The following FRS2 variants were observed in gnomAD, a reference collection of about 807,000 sequenced individuals.
The protein encoded by FRS2 is FGFR signalling adaptor.
Under a neutral mutation model 43.9 loss-of-function variants are expected in FRS2, and 8 were observed. The observed-to-expected ratio is 0.18, with a 90% CI of 0.11 to 0.33. The LOEUF (loss-of-function observed/expected upper bound fraction) is 0.33. Among genes scored for constraint, FRS2 ranks in the 10% least tolerant of loss-of-function variants. The pLI, the probability that FRS2 is intolerant of heterozygous loss-of-function variation, is 1.00. For missense variants in FRS2, 534 were observed against 627.6 expected, an observed-to-expected ratio of 0.85 and a Z score of 1.59; for synonymous variants, 219 against 220.3, an observed-to-expected ratio of 0.99 and a Z score of 0.05.
rs1247208002 is a variant in FRS2, at chr12:69,577,220, A to G, written c.*2265A>G. 6.6e-6 allele frequency: 1 copy of G among 152,196 alleles called. No individual in the cohort carries two copies. Among genetic ancestry groups the G allele is most frequent in the Non-Finnish European group, 1.5e-5 (1 of 68,012 alleles). 9.4% of individuals were successfully genotyped at this position (152,196 alleles called of 1,614,324 possible). On this transcript the variant is annotated 3_prime_UTR_variant, in exon 9 of 9. Transcript: ENST00000549921. ...TGCTTTAAATACTATGTGCTTTAAA[A>G]AGGAAAATGGGACCAATTTGTCTGC... is the stretch of plus-strand genomic sequence containing the variant.
At chr12:69,502,466 T>G (rs1430347641) in intron 1 of FRS2, among the ~76,000 whole-genome samples, 1 of 152,092 alleles carries the variant, frequency 6.6e-6, no homozygotes, top group East Asian at 1.9e-4. Flanking sequence ...ACTCCGAGGC[T>G]CGAGCGGTCT....
chr12:69,533,609 A>T (rs903584423), intron 3 of FRS2, among the ~76,000 whole-genome samples: 4 of 152,168 alleles, frequency 2.6e-5, no homozygotes, highest in Non-Finnish European at 4.4e-5. Flanking sequence ...TTGGCCTCCC[A>T]AAGTGTTGGG....
At chr12:69,554,503 A>G (rs1433494985) in intron 3 of FRS2, among the ~76,000 whole-genome samples, 2 of 152,236 alleles carry the variant, frequency 1.3e-5, no homozygotes, top group South Asian at 2.1e-4. Flanking sequence ...AGTTGCAAAG[A>G]TAGTACAGAG....
At chr12:69,471,032 T>C (rs1415469246) in intron 1 of FRS2, among the ~76,000 whole-genome samples, 4 of 152,134 alleles carry the variant, frequency 2.6e-5, no homozygotes, top group Non-Finnish European at 5.9e-5. Context: ...GCCAGGGATC[T>C]TTTGCAGGGC....
intron 1 of FRS2, among the ~76,000 whole-genome samples, chr12:69,496,391 C>T (rs900556760): frequency 6.6e-6 from 1 of 151,736 alleles, no homozygotes; most frequent in Non-Finnish European, 1.5e-5. Flanking sequence ...GAGCCGAGAT[C>T]GCGCCACTGC....
chr12:69,547,786 A>G (rs2920836), intron 3 of FRS2, among the ~76,000 whole-genome samples: 91,304 of 148,310 alleles, frequency 0.62, 28,732 homozygotes, highest in East Asian at 0.73. Context: ...TGTTTTTTCA[A>G]AGTCATGAAT....
At position 69,577,455 on chromosome 12, in the gene FRS2, T is replaced by C. The variant is rs1366436975; in HGVS notation, c.*2500T>C. On this transcript the variant is annotated 3_prime_UTR_variant, in exon 9 of 9. Transcript: ENST00000549921. ...ACTAGGTGCATTTTAGAATGAAATA[T>C]TGATATTTTATTAGCATATAATTGT... is the stretch of plus-strand genomic sequence containing the variant. The C allele has an allele frequency of 6.6e-6, 1 of 152,298 alleles. No individual in the cohort carries two copies. The highest frequency in any genetic ancestry group is 1.5e-5 in the Non-Finnish European group (1 of 67,996). 9.4% of individuals were successfully genotyped at this position (152,298 alleles called of 1,614,324 possible).
At chr12:69,515,354 C>G (rs1874887340) in intron 1 of FRS2, among the ~76,000 whole-genome samples, 1 of 152,202 alleles carries the variant, frequency 6.6e-6, no homozygotes, top group South Asian at 2.1e-4. Context: ...CTATTTTCAG[C>G]TGATGATTAA....
chr12:69,571,423 G>T lies in FRS2; in HGVS notation c.401G>T (p.Arg134Leu). ...GAATTGGAAGTCCCTAGAACACCTCGAACACCTACAAGTAAGTACCCCTTT... is the reference window on the plus strand; with the variant it reads ...GAATTGGAAGTCCCTAGAACACCTCTAACACCTACAAGTAAGTACCCCTTT... ...QTELEVPRTP[R>L]TPTTPGFAAQ... The change falls in exon 7 of 9, where the codon CGA (arginine) becomes CTA (leucine). Residue 134 changes from arginine (R) to leucine (L), a missense_variant. Transcript: ENST00000549921. The T allele has an allele frequency of 6.2e-7, 1 of 1,611,814 alleles. No individual in the cohort carries two copies. Among genetic ancestry groups the T allele is most frequent in the South Asian group, 1.1e-5 (1 of 90,810 alleles).
chr12:69,485,172 C>CTTATTTAT (rs112733263), intron 1 of FRS2, among the ~76,000 whole-genome samples: 4 of 146,030 alleles, frequency 2.7e-5, no homozygotes, highest in South Asian at 4.5e-4. Flanking sequence ...CAGAAGTTTA[C>CTTATTTAT]TTATTTATTT....
intron 1 of FRS2, among the ~76,000 whole-genome samples, chr12:69,506,750 T>C (rs1873969303): frequency 6.6e-6 from 1 of 152,236 alleles, no homozygotes; most frequent in Non-Finnish European, 1.5e-5. Flanking sequence ...TGTCTTAATA[T>C]TGGCAGCCTT....
intron 1 of FRS2, among the ~76,000 whole-genome samples, chr12:69,481,992 A>G (rs1871384573): frequency 6.8e-6 from 1 of 147,786 alleles, no homozygotes; most frequent in Admixed American, 6.7e-5. Context: ...TTAGTGTTTT[A>G]TGGTTTTTTT....
At chr12:69,520,682 C>T (rs1446212449) in intron 1 of FRS2, among the ~76,000 whole-genome samples, 2 of 151,882 alleles carry the variant, frequency 1.3e-5, no homozygotes, top group South Asian at 2.1e-4. Flanking sequence ...AGTCCTTTTC[C>T]CATTGTTTGT....
intron 1 of FRS2, among the ~76,000 whole-genome samples, chr12:69,501,654 A>G (rs865924202): frequency 5.9e-5 from 9 of 152,294 alleles, no homozygotes; most frequent in Middle Eastern, 6.8e-3. Flanking sequence ...AATATGCTCC[A>G]CTGCTCATCT....
At chr12:69,479,390 C>CTTTTTTTTTTTTT (rs57688271) in intron 1 of FRS2, among the ~76,000 whole-genome samples, 13 of 119,656 alleles carry the variant, frequency 1.1e-4, no homozygotes, top group African/African-American at 2.3e-4. Context: ...TCTGTTGTTT[C>CTTTTTTTTTTTTT]TTTTTTTTTT....
At chr12:69,550,474 C>A (rs1401008359) in intron 3 of FRS2, among the ~76,000 whole-genome samples, 3 of 152,186 alleles carry the variant, frequency 2.0e-5, no homozygotes, top group Admixed American at 2.0e-4. Context: ...TCAGATCTCT[C>A]TAGTGTCTTA....
Position 69,569,114 on chromosome 12 carries a change from A to G in FRS2, c.66+18A>G. 4.0e-6 allele frequency: 6 copies of G among 1,500,950 alleles called. No individual in the cohort carries two copies. Among genetic ancestry groups the G allele is most frequent in the Non-Finnish European group, 5.6e-6 (6 of 1,079,892 alleles). 93.0% of individuals were successfully genotyped at this position (1,500,950 alleles called of 1,614,324 possible). Reference sequence around the variant, plus strand: ...AGTTTAAGGTCAGTAAAACTGGTTGAGTTATATATCTTACTGCCTAGTTGG... The same window carrying G: ...AGTTTAAGGTCAGTAAAACTGGTTGGGTTATATATCTTACTGCCTAGTTGG... On this transcript the variant is annotated intron_variant, in intron 5 of 8. Coordinates refer to ENST00000549921, the MANE Select transcript of FRS2 (RefSeq NM_001278356.2).
intron 3 of FRS2, among the ~76,000 whole-genome samples, chr12:69,557,624 G>GCGCGCA (rs1555192564): frequency 7.1e-6 from 1 of 140,802 alleles, no homozygotes; most frequent in Non-Finnish European, 1.5e-5. Flanking sequence ...GTGTGTGCGC[G>GCGCGCA]CGCGCGCGCG....
intron 1 of FRS2, among the ~76,000 whole-genome samples, chr12:69,497,475 T>A (rs926070775): frequency 6.6e-6 from 1 of 152,196 alleles, no homozygotes; most frequent in Non-Finnish European, 1.5e-5. Flanking sequence ...GGGGTAAGAT[T>A]GCTCCCTTCA....
Sources: gnomAD v4.1 joint callset for allele counts (sites outside exome capture counted in the v4.1 genomes callset) on GRCh38, gnomAD v4.1.1 for gene constraint, MANE v1.5 for transcripts, NCBI Gene and HGNC (gene_info 2026-07-23, HGNC 2026-07-21) for gene names.